The following PALLD variants were observed in gnomAD, a reference collection of about 807,000 sequenced individuals.
PALLD encodes palladin, cytoskeletal associated protein.
A neutral mutation model predicts 123.5 loss-of-function variants in PALLD; 61 were observed. That is an observed-to-expected ratio of 0.49 (90% CI 0.40 to 0.61). PALLD has a LOEUF of 0.61. PALLD is among the 20% of genes least tolerant of loss of function. The probability of loss-of-function intolerance (pLI) is 0.00; values close to 1 mark genes in which losing one functional copy is unlikely to be tolerated. For synonymous variants in PALLD, 465 were observed against 496.4 expected (o/e 0.94, Z 0.84); for missense variants, 1,273 against 1,377.0 (o/e 0.92, Z 1.20).
chr4:168,773,576 A>G (rs1208680641), intron 10 of PALLD, among the ~76,000 whole-genome samples: 2 of 152,222 alleles, frequency 1.3e-5, no homozygotes, highest in East Asian at 1.9e-4. Flanking sequence ...TGAGGCAGAC[A>G]ACAGACAAGT....
chr4:168,553,312 T>G (rs965848321), intron 2 of PALLD, among the ~76,000 whole-genome samples: 80 of 152,274 alleles, frequency 5.3e-4, no homozygotes, highest in African/African-American at 1.9e-3. Flanking sequence ...TTGTAATGGC[T>G]CTGGTAAAAG....
chr4:168,765,467 A>G (rs2150468847), intron 10 of PALLD, among the ~76,000 whole-genome samples: 1 of 152,310 alleles, frequency 6.6e-6, no homozygotes, highest in African/African-American at 2.4e-5. Flanking sequence ...CAGAATGGGT[A>G]CTTGGGAGCA....
intron 2 of PALLD, among the ~76,000 whole-genome samples, chr4:168,589,449 C>G (rs1771179826): frequency 6.6e-6 from 1 of 152,106 alleles, no homozygotes; most frequent in African/African-American, 2.4e-5. Flanking sequence ...TCCGTTTCCT[C>G]CTGCGACTAT....
chr4:168,535,386 A>G (rs2149491687), intron 2 of PALLD, among the ~76,000 whole-genome samples: 1 of 152,334 alleles, frequency 6.6e-6, no homozygotes, highest in East Asian at 1.9e-4. Flanking sequence ...ATGATTTTCC[A>G]AAAGATTCAG....
chr4:168,738,529 C>G (rs1427129674), intron 10 of PALLD, among the ~76,000 whole-genome samples: 2 of 151,178 alleles, frequency 1.3e-5, no homozygotes, highest in Non-Finnish European at 2.9e-5. Context: ...CTCCCAGGTT[C>G]AAGCAATTCT....
chr4:168,913,603 C>CATG, intron 15 of PALLD, among the ~76,000 whole-genome samples: 1 of 151,956 alleles, frequency 6.6e-6, no homozygotes, highest in Non-Finnish European at 1.5e-5. Context: ...TACAATTCAA[C>CATG]ATCATGTGTT....
intron 3 of PALLD, among the ~76,000 whole-genome samples, chr4:168,677,454 A>C (rs367662316): frequency 1.2e-4 from 18 of 152,318 alleles, no homozygotes; most frequent in East Asian, 9.6e-4. Flanking sequence ...TTTGAAAATC[A>C]GCTGGAAAAA....
chr4:168,775,052 T>G (rs903798018), intron 10 of PALLD, among the ~76,000 whole-genome samples: 9 of 136,760 alleles, frequency 6.6e-5, no homozygotes, highest in African/African-American at 1.1e-4. Flanking sequence ...ATAGAGCATA[T>G]ATATCACAAT....
At chr4:168,820,867 G>A (rs1742619753) in intron 10 of PALLD, among the ~76,000 whole-genome samples, 1 of 152,122 alleles carries the variant, frequency 6.6e-6, no homozygotes, top group African/African-American at 2.4e-5. Flanking sequence ...TGAAAATTTG[G>A]AGGACAGACA....
intron 2 of PALLD, among the ~76,000 whole-genome samples, chr4:168,604,898 C>T (rs982507313): frequency 8.5e-5 from 13 of 152,130 alleles, no homozygotes; most frequent in African/African-American, 2.7e-4. Context: ...ATTGTTTCTG[C>T]GAGTTAAGAT....
chr4:168,497,356 C>T (rs1289415162), intron 1 of PALLD, among the ~76,000 whole-genome samples, 162 bp downstream of exon 1: 2 of 152,094 alleles, frequency 1.3e-5, no homozygotes, highest in Non-Finnish European at 2.9e-5. Context: ...GAGAATGTTA[C>T]GGTTTTGCCA....
intron 2 of PALLD, among the ~76,000 whole-genome samples, chr4:168,517,600 G>C (rs939908177): frequency 2.0e-5 from 3 of 151,990 alleles, no homozygotes; most frequent in Non-Finnish European, 4.4e-5. Flanking sequence ...CCTCAAAAAC[G>C]ACAGGAAGAA....
At chr4:168,598,542 C>T in intron 2 of PALLD, 1 of 367,618 alleles carries the variant, frequency 2.7e-6, no homozygotes. Flanking sequence ...AGAGAGGGGG[C>T]AGACAGAGGT....
At chr4:168,785,470 A>T (rs1187783195) in intron 10 of PALLD, among the ~76,000 whole-genome samples, 1 of 152,124 alleles carries the variant, frequency 6.6e-6, no homozygotes, top group Non-Finnish European at 1.5e-5. Context: ...GAACTCAAAG[A>T]CTTTCAGAGT....
chr4:168,726,259 A>G (rs371320928), intron 10 of PALLD, among the ~76,000 whole-genome samples: 15 of 152,228 alleles, frequency 9.9e-5, no homozygotes, highest in African/African-American at 3.4e-4. Context: ...TTCTAAAAGG[A>G]ATTAGATGAA....
rs1396605601 is a variant in PALLD at position 168,597,904 on chromosome 4, GC to G, written c.909-70285del. ...TGCTTGTCACAGTGGTGTGTTATGA[GC>G]TTTACATTATTGTCCATGCCAATAT... On this transcript the variant is annotated intron_variant, in intron 2 of 21. Coordinates refer to ENST00000505667, the MANE Select transcript of PALLD (RefSeq NM_001166108.2). 2.0e-5 allele frequency among the ~76,000 whole-genome samples: 3 copies of G among 151,984 alleles called. No individual in the cohort carries two copies. In the East Asian group the frequency reaches 5.8e-4, roughly 29 times the overall value.
intron 10 of PALLD, among the ~76,000 whole-genome samples, chr4:168,876,029 C>G (rs894447338): frequency 1.3e-5 from 2 of 152,166 alleles, no homozygotes; most frequent in African/African-American, 4.8e-5. Context: ...CAGGTGGGGA[C>G]AGAGTAGGGG....
chr4:168,709,093 G>A lies in PALLD; in HGVS notation c.1567G>A (p.Ala523Thr), dbSNP rs1281310277. The change falls in exon 9 of 22, where the codon GCA becomes ACA. Residue 523 changes from alanine (A) to threonine (T), a missense_variant. Physicochemically the swap from Ala to Thr is moderately conservative, Grantham distance 58 (BLOSUM62 0). Transcript: ENST00000505667. The part of the protein sequence containing the change: ...PEDAGIFTCS[A>T]RNDYGSATST... ...AGATGCAGGGATCTTTACATGTTCA[G>A]CAAGAAATGATTATGGATCAGCAAC... 2 of 1,613,680 alleles carry A rather than the reference G, an allele frequency of 1.2e-6. No individual in the cohort carries two copies. The highest frequency in any genetic ancestry group is 1.1e-5 in the South Asian group (1 of 91,066).
chr4:168,641,207 C>G (rs898058853), intron 2 of PALLD, among the ~76,000 whole-genome samples: 2 of 114,562 alleles, frequency 1.7e-5, no homozygotes, highest in African/African-American at 6.1e-5. Context: ...GACTCCATCT[C>G]AAAAAAAAAA....
Sources: allele counts gnomAD v4.1 joint callset (sites outside exome capture counted in the v4.1 genomes callset), GRCh38; gene constraint gnomAD v4.1.1; transcripts MANE v1.5; gene names NCBI Gene and HGNC (gene_info 2026-07-23, HGNC 2026-07-21).